FNIP2: variants seen among roughly 807,000 people sequenced by gnomAD.
FNIP2 encodes the protein folliculin-interacting protein 2.
In FNIP2, 32 loss-of-function variants were observed where a neutral mutation model predicts 108.7. The ratio of observed to expected loss-of-function variants is 0.29; its 90% CI spans 0.22 to 0.40. The LOEUF (loss-of-function observed/expected upper bound fraction) is 0.40, where lower values mean the gene tolerates loss of function less well. FNIP2 is among the 10% of genes least tolerant of loss of function. The pLI, the probability that FNIP2 is intolerant of heterozygous loss-of-function variation, is 1.00. For missense variants in FNIP2, 1,202 were observed against 1,381.6 expected (o/e 0.87, Z 2.06); for synonymous variants, 480 against 496.7 (o/e 0.97, Z 0.45).
chr4:158,899,011 C>T (rs545778484), intron 16 of FNIP2, among the ~76,000 whole-genome samples: 14 of 152,250 alleles, frequency 9.2e-5, no homozygotes, highest in Admixed American at 5.9e-4. Flanking sequence ...TTTTGGGATA[C>T]GTTCCCTCAA....
intron 1 of FNIP2, among the ~76,000 whole-genome samples, chr4:158,801,353 T>A (rs972335806): frequency 2.0e-5 from 3 of 152,180 alleles, no homozygotes; most frequent in Non-Finnish European, 4.4e-5. Context: ...TTAGTGAGAA[T>A]CTAAACATTC....
chr4:158,875,002 G>T (rs1012072266), intron 14 of FNIP2, among the ~76,000 whole-genome samples: 2 of 150,540 alleles, frequency 1.3e-5, no homozygotes, highest in African/African-American at 4.9e-5. Flanking sequence ...CAGGAGAATT[G>T]CTTGAACTCG....
At chr4:158,870,506 A>G (rs1341184583) in intron 14 of FNIP2, 37 bp downstream of exon 14, 1 of 1,571,782 alleles carries the variant, frequency 6.4e-7, no homozygotes. Flanking sequence ...GGCTGCTGAC[A>G]GTGTGTCAGT....
chr4:158,859,014 T>C, intron 8 of FNIP2, 43 bp from the exon 9 acceptor site: 1 of 1,533,130 alleles, frequency 6.5e-7, no homozygotes, highest in Middle Eastern at 1.7e-4. Context: ...TCAGTGTGAC[T>C]CACTGATGCA....
intron 8 of FNIP2, 33 bp from the exon 9 acceptor site, chr4:158,859,024 A>G: frequency 6.2e-7 from 1 of 1,603,038 alleles, no homozygotes; most frequent in Non-Finnish European, 8.5e-7. Flanking sequence ...TCACTGATGC[A>G]TGGCAACTTT....
At chr4:158,803,490 C>T (rs919185366) in intron 1 of FNIP2, among the ~76,000 whole-genome samples, 11 of 152,208 alleles carry the variant, frequency 7.2e-5, no homozygotes, top group Admixed American at 5.9e-4. Context: ...GCTCTAATGT[C>T]TCAGAAGAGT....
chr4:158,871,813 G>A (rs957669430), intron 14 of FNIP2: 1 of 985,194 alleles, frequency 1.0e-6, no homozygotes, highest in Non-Finnish European at 1.2e-6. Context: ...ATCATTTCAT[G>A]AGTCCATGCA....
At chr4:158,876,844 A>T (rs1417254135) in intron 14 of FNIP2, among the ~76,000 whole-genome samples, 2 of 152,192 alleles carry the variant, frequency 1.3e-5, no homozygotes, top group African/African-American at 4.8e-5. Flanking sequence ...AGAAACTTAA[A>T]GGGGAAGAGT....
At chr4:158,869,736 T>G (rs1780823881) in intron 13 of FNIP2, among the ~76,000 whole-genome samples, 1 of 152,048 alleles carries the variant, frequency 6.6e-6, no homozygotes, top group African/African-American at 2.4e-5. Context: ...AATAGGGAGT[T>G]TAATTTTCTG....
intron 1 of FNIP2, among the ~76,000 whole-genome samples, chr4:158,784,669 G>T (rs548750890): frequency 6.6e-6 from 1 of 152,194 alleles, no homozygotes; most frequent in South Asian, 2.1e-4. Context: ...CCTCGCGTGC[G>T]CAGTTCATAA....
intron 1 of FNIP2, among the ~76,000 whole-genome samples, chr4:158,801,136 G>C (rs1421319799): frequency 6.6e-6 from 1 of 152,106 alleles, no homozygotes; most frequent in Non-Finnish European, 1.5e-5. Flanking sequence ...ACTCTGCCTA[G>C]GAGTCTTTCC....
At chr4:158,834,104 T>C (rs992666302) in intron 6 of FNIP2, 1 of 229,434 alleles carries the variant, frequency 4.4e-6, no homozygotes, top group African/African-American at 2.4e-5. Context: ...TAGTGTAAGC[T>C]GATTTTGATC....
At chr4:158,840,188 G>A (rs906690856) in intron 7 of FNIP2, among the ~76,000 whole-genome samples, 2 of 152,168 alleles carry the variant, frequency 1.3e-5, no homozygotes, top group African/African-American at 2.4e-5. Flanking sequence ...GAAAGCGAGT[G>A]GAAGGTGAGC....
intron 1 of FNIP2, among the ~76,000 whole-genome samples, chr4:158,783,330 A>G (rs1331751631): frequency 6.6e-6 from 1 of 152,194 alleles, no homozygotes; most frequent in Non-Finnish European, 1.5e-5. Context: ...CTCTCCATTT[A>G]TTTTAGAAAC....
At chr4:158,894,302 C>T (rs1021738386) in intron 15 of FNIP2, among the ~76,000 whole-genome samples, 5 of 151,622 alleles carry the variant, frequency 3.3e-5, no homozygotes, top group Admixed American at 1.3e-4. Flanking sequence ...TCCTGATTAG[C>T]TAGGACTACA....
At chr4:158,779,956 C>G (rs1016882617) in intron 1 of FNIP2, among the ~76,000 whole-genome samples, 2 of 151,832 alleles carry the variant, frequency 1.3e-5, no homozygotes, top group African/African-American at 4.8e-5. Context: ...TGTTTGTAAT[C>G]CCAGTACTTT....
At chr4:158,815,621 C>T (rs1777525797) in intron 1 of FNIP2, among the ~76,000 whole-genome samples, 1 of 152,126 alleles carries the variant, frequency 6.6e-6, no homozygotes, top group Non-Finnish European at 1.5e-5. Context: ...GCCTCGGCCT[C>T]CCAAAGTGCT....
intron 14 of FNIP2, among the ~76,000 whole-genome samples, chr4:158,889,404 G>T (rs1215297543): frequency 1.3e-5 from 2 of 152,126 alleles, no homozygotes; most frequent in South Asian, 2.1e-4. Context: ...CCTTATTCCA[G>T]CAGTTAGTTG....
At chr4:158,826,231 A>C (rs1778148693) in intron 2 of FNIP2, among the ~76,000 whole-genome samples, 189 bp downstream of exon 2, 1 of 152,262 alleles carries the variant, frequency 6.6e-6, no homozygotes, top group Non-Finnish European at 1.5e-5. Context: ...GAGTATGCTC[A>C]CTGCTAAACA....
Sources: allele counts gnomAD v4.1 joint callset (sites outside exome capture counted in the v4.1 genomes callset), GRCh38; gene constraint gnomAD v4.1.1; transcripts MANE v1.5; gene names NCBI Gene and HGNC (gene_info 2026-07-23, HGNC 2026-07-21).